Variants in RELL2 observed in about 807,000 individuals in gnomAD.
The protein encoded by RELL2 is RELT like 2, also known as RELT-like protein 2.
In RELL2, 18 loss-of-function variants were observed where a neutral mutation model predicts 27.5. That is an observed-to-expected ratio of 0.65 (90% CI 0.45 to 0.97). The LOEUF (loss-of-function observed/expected upper bound fraction) is 0.97. Ranked by LOEUF, RELL2 falls within the 50% of genes least tolerant of loss-of-function variation. RELL2 has a pLI of 0.00. For missense variants in RELL2, 370 were observed against 397.5 expected (o/e 0.93, Z 0.59); for synonymous variants, 156 against 147.5 (o/e 1.06, Z -0.42).
In RELL2 at chr5:141,639,756, C is replaced by A. The variant is rs541259955; in HGVS notation, c.503+107C>A. ...CTCTTTCCTCCTGGACTGGGAGCTC[C>A]GGCAGAAGTCAGGCTACACAATGTG... On this transcript the variant is annotated intron_variant, in intron 4 of 6. Transcript: ENST00000297164. The surrounding 1 kb of genome is among the most constrained non-coding windows in gnomAD (Gnocchi z 4.4). 1 of 1,316,534 alleles carries A rather than the reference C, an allele frequency of 7.6e-7. No individual in the cohort carries two copies. The highest frequency in any genetic ancestry group is 2.1e-5 in the Admixed American group (1 of 47,054). The allele number at this position is 1,316,534 out of a possible 1,614,324, so 81.6% of individuals were successfully genotyped here. A position where few individuals can be genotyped will look rare whatever the true frequency, so the allele number is the denominator to read the frequency against.
Position 141,638,265 on chromosome 5 carries a change from G to C in RELL2, c.40G>C (p.Gly14Arg), listed in dbSNP as rs747335366. The C allele has an allele frequency of 6.2e-7, 1 of 1,613,924 alleles. No homozygotes were observed. Among genetic ancestry groups the C allele is most frequent in the Admixed American group, 1.7e-5 (1 of 60,002 alleles). ...GCCTGACCTGGAACCGCCCCAACAT[G>C]GGCTATATATGCTCTTCCTGCTTGT... ...PQPDLEPPQHGLYMLFLLVLV... is the reference protein window; with the variant it reads ...PQPDLEPPQHRLYMLFLLVLV... The change falls in exon 1 of 7, where the codon GGG becomes CGG. Residue 14 changes from glycine (G) to arginine (R), a missense_variant. By Grantham distance (125) the Gly-to-Arg change is moderately radical. Transcript: ENST00000297164.
chr5:141,639,414 TGAAGG>T lies in RELL2; in HGVS notation c.318-46_318-42del. On this transcript the variant is annotated intron_variant, in intron 3 of 6. Transcript: ENST00000297164. The surrounding 1 kb of genome is among the most constrained non-coding windows in gnomAD (Gnocchi z 4.4). ...CTGAAAGAACGTAAGAAACAAAACA[TGAAGG>T]GAAATGGAAATGTTACCCTCACTCC... The T allele has an allele frequency of 2.0e-6, 3 of 1,466,352 alleles. No individual in the cohort carries two copies. Among genetic ancestry groups the T allele is most frequent in the Non-Finnish European group, 2.8e-6 (3 of 1,072,192 alleles). 90.8% of individuals were successfully genotyped at this position (1,466,352 alleles called of 1,614,324 possible). A position where few individuals can be genotyped will look rare whatever the true frequency, so the allele number is the denominator to read the frequency against.
At position 141,637,925 on chromosome 5, in the gene RELL2, C is replaced by T. The variant is rs1017737563; in HGVS notation, c.-301C>T. On this transcript the variant is annotated 5_prime_UTR_variant, in exon 1 of 7. Coordinates refer to ENST00000297164, the MANE Select transcript of RELL2 (RefSeq NM_173828.5). ...GCCGTCCCATCTCGTGCTGCAGTGTCCTTGGGAGGGACAGAAGCGCGAACA... is the reference window on the plus strand; with the variant it reads ...GCCGTCCCATCTCGTGCTGCAGTGTTCTTGGGAGGGACAGAAGCGCGAACA... 3 of 349,942 alleles carry T rather than the reference C, an allele frequency of 8.6e-6. No individual in the cohort carries two copies. Among genetic ancestry groups the T allele is most frequent in the African/African-American group, 6.3e-5 (3 of 47,958 alleles). The allele number at this position is 349,942 out of a possible 1,614,324, so 21.7% of individuals were successfully genotyped here. A position where few individuals can be genotyped will look rare whatever the true frequency, so the allele number is the denominator to read the frequency against.
At position 141,638,810 on chromosome 5, in the gene RELL2, T is replaced by C; in HGVS notation, c.200T>C (p.Met67Thr). 6.2e-7 allele frequency: 1 copy of C among 1,614,146 alleles called. No individual in the cohort carries two copies. The highest frequency in any genetic ancestry group is 8.5e-7 in the Non-Finnish European group (1 of 1,179,984). The change falls in exon 2 of 7, where the codon ATG becomes ACG. Residue 67 changes from methionine (M) to threonine (T), a missense_variant. Met to Thr is a moderately conservative substitution (Grantham distance 81). Transcript: ENST00000297164. The stretch of plus-strand genomic sequence containing the variant: ...CATCCTTCAGCTGAGGACGATGACA[T>C]GAATGAGGACACAGTAGAGAGGATT... Reference protein sequence around the residue: ...AQLQPPEDDDMNEDTVERIVR... With the variant: ...AQLQPPEDDDTNEDTVERIVR...
rs2099906721 is a variant in RELL2, at chr5:141,640,450, GTC to G, written c.*1+7_*1+8del. 1 of 1,614,032 alleles carries G rather than the reference GTC, an allele frequency of 6.2e-7. No individual in the cohort carries two copies. The highest frequency in any genetic ancestry group is 8.5e-7 in the Non-Finnish European group (1 of 1,180,010). On this transcript the variant is annotated splice_donor_region_variant and intron_variant, in intron 6 of 6. Coordinates refer to ENST00000297164, the MANE Select transcript of RELL2 (RefSeq NM_173828.5). ...AGGGAGCAGGGAGTATGTGAGGTGAGTCTGCCTGAGCCCTAAATGAGGTAATC... is the reference window on the plus strand; with the variant it reads ...AGGGAGCAGGGAGTATGTGAGGTGAGTGCCTGAGCCCTAAATGAGGTAATC...
At chr5:141,640,529 C>T (rs571156836) in intron 6 of RELL2, 84 bp downstream of exon 6, 1 of 1,606,258 alleles carries the variant, frequency 6.2e-7, no homozygotes, top group South Asian at 1.1e-5. Flanking sequence ...CTCCCTGAAC[C>T]CCCCGAGTAA....
rs948845973 is a variant in RELL2 at position 141,640,984 on chromosome 5, C to T, written c.*315C>T. Reference sequence around the variant, plus strand: ...AAGCAATAGCACCGTAGGCCCCCTGCCCTCTTAGCACAAGAGGCCCAGGCC... The same window carrying T: ...AAGCAATAGCACCGTAGGCCCCCTGTCCTCTTAGCACAAGAGGCCCAGGCC... On this transcript the variant is annotated 3_prime_UTR_variant, in exon 7 of 7. Transcript: ENST00000297164. 2.2e-6 allele frequency: 1 copy of T among 450,372 alleles called. No individual in the cohort carries two copies. The allele number at this position is 450,372 out of a possible 1,614,324, so 27.9% of individuals were successfully genotyped here.
rs2099906353 is a variant in RELL2 at position 141,638,144 on chromosome 5, C to T, written c.-82C>T. The T allele has an allele frequency of 3.5e-6, 3 of 849,182 alleles. No homozygotes were observed. The highest frequency in any genetic ancestry group is 1.6e-5 in the South Asian group (1 of 63,872). The allele number at this position is 849,182 out of a possible 1,614,324, so 52.6% of individuals were successfully genotyped here. On this transcript the variant is annotated 5_prime_UTR_variant, in exon 1 of 7. Coordinates refer to ENST00000297164, the MANE Select transcript of RELL2 (RefSeq NM_173828.5). ...TGCTTGTTTCAGATCCTGAGGACGG[C>T]ATTCCTACCCCTCCCCCATTCCCAG...
At chr5:141,640,384 C>G (rs1352126800) in intron 5 of RELL2, 28 bp from the exon 6 acceptor site, 7 of 1,614,062 alleles carry the variant, frequency 4.3e-6, no homozygotes, top group Non-Finnish European at 5.9e-6. Context: ...CCTGGTCTCT[C>G]ATTGTTGACC....
chr5:141,640,016 C>T lies in RELL2; in HGVS notation c.600C>T (p.Asp200=). The T allele has an allele frequency of 6.2e-7, 1 of 1,613,552 alleles. No individual in the cohort carries two copies. ...GCTGGGGCTCTGGTGGGGGACAGGA[C>T]CCAGGGGGTGGTCAGGGGTCTGGGG... ...DRSWGSGGGQ[D]PGGGQGSGGG... is the part of the protein sequence containing the mutation. Residue 200 remains aspartate, a synonymous_variant, in exon 5 of 7, where the codon GAC becomes GAT. Transcript: ENST00000297164.
chr5:141,640,112 A>G lies in RELL2; in HGVS notation c.696A>G (p.Leu232=). Residue 232 remains leucine, a synonymous_variant, in exon 5 of 7, where the codon CTA becomes CTG. Transcript: ENST00000297164. ...LPPERPQPQV[L]ASPPVQNGGL... ...CTGAGAGGCCACAGCCCCAGGTCCT[A>G]GCCAGCCCCCCAGTACAGAATGGAG... The G allele has an allele frequency of 6.2e-7, 1 of 1,613,944 alleles. No homozygotes were observed. Among genetic ancestry groups the G allele is most frequent in the Middle Eastern group, 1.6e-4 (1 of 6,062 alleles).
rs2099906269 is a variant in RELL2, at chr5:141,637,722, GA to G, written c.-502del. On this transcript the variant is annotated 5_prime_UTR_variant, in exon 1 of 7. An upstream open reading frame in the 5' UTR loses its in-frame stop. Coordinates refer to ENST00000297164, the MANE Select transcript of RELL2 (RefSeq NM_173828.5). ...GGAGCCGGAACCCCAGCAGAAGCCGGAACCAGAACCAAATCACCGGTACCGG... is the reference window on the plus strand; with the variant it reads ...GGAGCCGGAACCCCAGCAGAAGCCGGACCAGAACCAAATCACCGGTACCGG... 6.5e-6 allele frequency: 1 copy of G among 153,754 alleles called. No individual in the cohort carries two copies. The highest frequency in any genetic ancestry group is 1.5e-5 in the Non-Finnish European group (1 of 68,820). The allele number at this position is 153,754 out of a possible 1,614,324, so 9.5% of individuals were successfully genotyped here. A position where few individuals can be genotyped will look rare whatever the true frequency, so the allele number is the denominator to read the frequency against.
chr5:141,640,713 G>C lies in RELL2; in HGVS notation c.*44G>C, dbSNP rs574168742. The C allele has an allele frequency of 1.2e-5, 19 of 1,528,320 alleles. No homozygotes were observed. Among genetic ancestry groups the C allele is most frequent in the Non-Finnish European group, 1.7e-5 (19 of 1,142,266 alleles). 94.7% of individuals were successfully genotyped at this position (1,528,320 alleles called of 1,614,324 possible). A position where few individuals can be genotyped will look rare whatever the true frequency, so the allele number is the denominator to read the frequency against. On this transcript the variant is annotated 3_prime_UTR_variant, in exon 7 of 7. Coordinates refer to ENST00000297164, the MANE Select transcript of RELL2 (RefSeq NM_173828.5). Reference sequence around the variant, plus strand: ...ATGGACTACCAGCTGGCAGGGCCAGGGGGTGGGTGGGCGTGAAAGCCCTCC... The same window carrying C: ...ATGGACTACCAGCTGGCAGGGCCAGCGGGTGGGTGGGCGTGAAAGCCCTCC...
chr5:141,638,216 C>G lies in RELL2; in HGVS notation c.-10C>G. 2 of 1,608,086 alleles carry G rather than the reference C, an allele frequency of 1.2e-6. No individual in the cohort carries two copies. Among genetic ancestry groups the G allele is most frequent in the Non-Finnish European group, 1.7e-6 (2 of 1,176,938 alleles). ...AGGCGCCCTGGCCCGCGCTCGCCCC[C>G]CAGGGCCTCATGTCGGAACCACAGC... On this transcript the variant is annotated 5_prime_UTR_variant, in exon 1 of 7. Transcript: ENST00000297164.
rs1375495762 is a variant in RELL2, at chr5:141,637,081, G to C, written c.-1145G>C. 3.1e-6 allele frequency: 1 copy of C among 320,066 alleles called. No individual in the cohort carries two copies. The highest frequency in any genetic ancestry group is 2.2e-5 in the African/African-American group (1 of 45,944). 19.8% of individuals were successfully genotyped at this position (320,066 alleles called of 1,614,324 possible). A position where few individuals can be genotyped will look rare whatever the true frequency, so the allele number is the denominator to read the frequency against. ...GTCTCCGGCCGGGGGTCAGATCCTC[G>C]GGAAGCCGAGCCATCCCATCCAGCC... On this transcript the variant is annotated 5_prime_UTR_variant, in exon 1 of 7. Coordinates refer to ENST00000297164, the MANE Select transcript of RELL2 (RefSeq NM_173828.5).
In RELL2 at chr5:141,639,458, G is replaced by A; in HGVS notation, c.318-6G>A. ...TACCCTCACTCCCCTCCTCCCTGCT[G>A]TCCAGTGTGGATGCCACCTCCAGCC... On this transcript the variant is annotated splice_polypyrimidine_tract_variant and splice_region_variant and intron_variant, in intron 3 of 6. Transcript: ENST00000297164. This position sits in a 1 kb window ranked among gnomAD's most constrained non-coding sequence, Gnocchi z 4.4. 1 of 1,607,326 alleles carries A rather than the reference G, an allele frequency of 6.2e-7. No individual in the cohort carries two copies. Among genetic ancestry groups the A allele is most frequent in the South Asian group, 1.1e-5 (1 of 90,800 alleles).
chr5:141,640,977 C>A lies in RELL2; in HGVS notation c.*308C>A. ...GCCCCTAAAGCAATAGCACCGTAGG[C>A]CCCCTGCCCTCTTAGCACAAGAGGC... On this transcript the variant is annotated 3_prime_UTR_variant, in exon 7 of 7. Coordinates refer to ENST00000297164, the MANE Select transcript of RELL2 (RefSeq NM_173828.5). 2 of 457,792 alleles carry A rather than the reference C, an allele frequency of 4.4e-6. No homozygotes were observed. Among genetic ancestry groups the A allele is most frequent in the Admixed American group, 3.8e-5 (1 of 26,204 alleles). 28.4% of individuals were successfully genotyped at this position (457,792 alleles called of 1,614,324 possible). A position where few individuals can be genotyped will look rare whatever the true frequency, so the allele number is the denominator to read the frequency against.
At position 141,638,184 on chromosome 5, in the gene RELL2, AC is replaced by A; in HGVS notation, c.-39del. 1 of 1,513,276 alleles carries A rather than the reference AC, an allele frequency of 6.6e-7. No homozygotes were observed. The highest frequency in any genetic ancestry group is 9.1e-7 in the Non-Finnish European group (1 of 1,104,388). 93.7% of individuals were successfully genotyped at this position (1,513,276 alleles called of 1,614,324 possible). On this transcript the variant is annotated 5_prime_UTR_variant, in exon 1 of 7. Coordinates refer to ENST00000297164, the MANE Select transcript of RELL2 (RefSeq NM_173828.5). ...CCCATTCCCAGCTGCAGCCCCCTAA[AC>A]CCAGGAGGCGCCCTGGCCCGCGCTC...
chr5:141,638,780 T>A lies in RELL2; in HGVS notation c.185-15T>A. 6.2e-7 allele frequency: 1 copy of A among 1,612,380 alleles called. No individual in the cohort carries two copies. The highest frequency in any genetic ancestry group is 1.1e-5 in the South Asian group (1 of 91,050). On this transcript the variant is annotated splice_polypyrimidine_tract_variant and intron_variant, in intron 1 of 6. Transcript: ENST00000297164. ...ACTCATTCCTGCTTCCTTGCCAATCTCTTTCATCCTTCAGCTGAGGACGAT... is the reference window on the plus strand; with the variant it reads ...ACTCATTCCTGCTTCCTTGCCAATCACTTTCATCCTTCAGCTGAGGACGAT...
Sources: allele counts gnomAD v4.1 joint callset, GRCh38; gene constraint gnomAD v4.1.1; non-coding constraint Gnocchi (gnomAD v3.1); transcripts MANE v1.5; gene names NCBI Gene and HGNC (gene_info 2026-07-23, HGNC 2026-07-21).